PLA2G5: variants seen among roughly 807,000 people sequenced by gnomAD.
The protein encoded by PLA2G5 is phospholipase A2 group V.
A neutral mutation model predicts 15.9 loss-of-function variants in PLA2G5; 12 were observed. That is an observed-to-expected ratio of 0.76 (90% confidence interval 0.48 to 1.23). The LOEUF (loss-of-function observed/expected upper bound fraction) is 1.23. Among genes scored for constraint, PLA2G5 ranks in the 50% most tolerant of loss-of-function variants. The pLI, the probability that PLA2G5 is intolerant of heterozygous loss-of-function variation, is 0.00. For synonymous variants in PLA2G5, 71 were observed against 71.4 expected (o/e 0.99, Z 0.03); for missense variants, 169 against 177.1 (o/e 0.95, Z 0.26).
At chr1:20,046,958 T>C (rs1281604831) in intron 1 of PLA2G5, among the ~76,000 whole-genome samples, 3 of 152,218 alleles carry the variant, frequency 2.0e-5, no homozygotes, top group Non-Finnish European at 4.4e-5. Flanking sequence ...TGTGAGAAAC[T>C]GTTGTTTTCA....
At chr1:20,077,157 G>T (rs1292937019) in intron 1 of PLA2G5, among the ~76,000 whole-genome samples, 1 of 152,230 alleles carries the variant, frequency 6.6e-6, no homozygotes, top group Non-Finnish European at 1.5e-5. Flanking sequence ...GATCAGAAAT[G>T]GATCAGAGGA....
At chr1:20,051,587 T>G (rs1347230266) in intron 1 of PLA2G5, among the ~76,000 whole-genome samples, 1 of 152,244 alleles carries the variant, frequency 6.6e-6, no homozygotes, top group African/African-American at 2.4e-5. Context: ...GGAAACTATT[T>G]GTGGGTATTC....
At chr1:20,034,373 G>A (rs1462125775) in intron 1 of PLA2G5, among the ~76,000 whole-genome samples, 1 of 152,176 alleles carries the variant, frequency 6.6e-6, no homozygotes, top group Non-Finnish European at 1.5e-5. Flanking sequence ...TAGTAAAAAA[G>A]GCATTCTTTG....
intron 1 of PLA2G5, among the ~76,000 whole-genome samples, chr1:20,047,692 G>T (rs994988468): frequency 6.6e-6 from 1 of 151,316 alleles, no homozygotes; most frequent in African/African-American, 2.4e-5. Context: ...CATGGCTAAA[G>T]TTCTGAAGTA....
intron 1 of PLA2G5, among the ~76,000 whole-genome samples, chr1:20,045,304 C>T (rs2013837391): frequency 6.6e-6 from 1 of 152,050 alleles, no homozygotes; most frequent in Non-Finnish European, 1.5e-5. Flanking sequence ...GGTGGTGGTA[C>T]TTGCCCCCCT....
rs186451826 is a variant in PLA2G5 at position 20,052,613 on chromosome 1, C to T, written n.277-7019C>T. On this transcript the variant is annotated intron_variant and non_coding_transcript_variant, in intron 1 of 6. Coordinates refer to the PLA2G5 transcript ENST00000460175. ...AAAAAATGAACTTTTGTAATAACTT[C>T]GGACCTACTCATCCAGGAATCCATG... 6.6e-5 allele frequency among the ~76,000 whole-genome samples: 10 copies of T among 152,216 alleles called. No individual in the cohort carries two copies. The East Asian group carries it at 1.4e-3, about 21-fold the overall frequency.
At chr1:20,056,728 C>T (rs1557733910) in intron 1 of PLA2G5, among the ~76,000 whole-genome samples, 2 of 152,040 alleles carry the variant, frequency 1.3e-5, no homozygotes, top group Non-Finnish European at 2.9e-5. Context: ...TACTGGCCTC[C>T]TAGAATGAGT....
intron 1 of PLA2G5, among the ~76,000 whole-genome samples, chr1:20,078,866 G>A (rs947218840): frequency 3.3e-5 from 5 of 152,092 alleles, no homozygotes; most frequent in Non-Finnish European, 7.4e-5. Flanking sequence ...CAGCACTTTG[G>A]GAGGCACGGG....
At chr1:20,036,846 G>C (rs2013277696) in intron 1 of PLA2G5, among the ~76,000 whole-genome samples, 1 of 151,452 alleles carries the variant, frequency 6.6e-6, no homozygotes, top group Admixed American at 6.6e-5. Flanking sequence ...TGTATTTTTA[G>C]TAGAGACAGG....
In PLA2G5 at chr1:20,035,505, T is replaced by C. The variant is rs115205333; in HGVS notation, n.276+6796T>C. On this transcript the variant is annotated intron_variant and non_coding_transcript_variant, in intron 1 of 6. Transcript: ENST00000460175. ...GTGGGCATCTTACAAAATGGTGCAGTTTGGGCTAACAATCTGATATAAGAA... is the reference window on the plus strand; with the variant it reads ...GTGGGCATCTTACAAAATGGTGCAGCTTGGGCTAACAATCTGATATAAGAA... Among the ~76,000 whole-genome samples, 373 of 152,294 alleles carry C rather than the reference T, an allele frequency of 2.4e-3. 5 individuals carry two copies. Among genetic ancestry groups the C allele is most frequent in the African/African-American group, 8.6e-3 (358 of 41,552 alleles).
chr1:20,047,009 A>G (rs2013938193), intron 1 of PLA2G5, among the ~76,000 whole-genome samples: 1 of 152,160 alleles, frequency 6.6e-6, no homozygotes, highest in Admixed American at 6.5e-5. Context: ...TCTGAAGAGA[A>G]AGGTCATTTT....
chr1:20,076,350 C>G (rs1174902796), intron 1 of PLA2G5, among the ~76,000 whole-genome samples: 26 of 152,140 alleles, frequency 1.7e-4, no homozygotes, highest in Non-Finnish European at 2.9e-5. Context: ...TATTGGAACA[C>G]TGAACCAACT....
intron 2 of PLA2G5, among the ~76,000 whole-genome samples, chr1:20,085,390 C>T (rs1242943077): frequency 6.6e-6 from 1 of 151,992 alleles, no homozygotes; most frequent in Non-Finnish European, 1.5e-5. Context: ...TGATGTCTTG[C>T]TAGATCCCTG....
intron 1 of PLA2G5, among the ~76,000 whole-genome samples, chr1:20,030,522 G>A (rs188486155): frequency 6.6e-6 from 1 of 151,916 alleles, no homozygotes; most frequent in African/African-American, 2.4e-5. Flanking sequence ...ATGAGCAGGA[G>A]ACAGATGCCT....
At chr1:20,034,206 G>A (rs1250289172) in intron 1 of PLA2G5, among the ~76,000 whole-genome samples, 1 of 152,178 alleles carries the variant, frequency 6.6e-6, no homozygotes, top group African/African-American at 2.4e-5. Flanking sequence ...TTAGGAGCAA[G>A]GGGAAGTTCA....
chr1:20,073,802 G>A (rs888334493), intron 1 of PLA2G5, among the ~76,000 whole-genome samples: 3 of 151,172 alleles, frequency 2.0e-5, no homozygotes, highest in Non-Finnish European at 4.4e-5. Flanking sequence ...CCTGAGAGGC[G>A]GAGGTTGCAG....
intron 1 of PLA2G5, among the ~76,000 whole-genome samples, chr1:20,040,884 T>C (rs1047968325): frequency 6.6e-6 from 1 of 152,226 alleles, no homozygotes; most frequent in Non-Finnish European, 1.5e-5. Context: ...GTCTCTTATC[T>C]ACCTAAGACC....
chr1:20,077,894 G>A (rs1490074233), intron 1 of PLA2G5, among the ~76,000 whole-genome samples: 5 of 152,178 alleles, frequency 3.3e-5, no homozygotes, highest in African/African-American at 1.2e-4. Context: ...GTCAAAGCTA[G>A]GGCCAAACTT....
At chr1:20,076,282 G>A (rs1429719336) in intron 1 of PLA2G5, among the ~76,000 whole-genome samples, 1 of 104,776 alleles carries the variant, frequency 9.5e-6, no homozygotes, top group African/African-American at 3.7e-5. Context: ...TCTTAGGGCT[G>A]TATGGAGCCC....
Sources: gnomAD v4.1 joint callset for allele counts (sites outside exome capture counted in the v4.1 genomes callset) on GRCh38, gnomAD v4.1.1 for gene constraint, MANE v1.5 for transcripts, NCBI Gene and HGNC (gene_info 2026-07-23, HGNC 2026-07-21) for gene names.